MRTFB: variants seen among roughly 807,000 people sequenced by gnomAD.
MRTFB encodes the protein myocardin related transcription factor B.
MRTFB carries 29 observed loss-of-function variants against 104.2 expected under a neutral mutation model. The observed-to-expected ratio is 0.28, with a 90% confidence interval of 0.21 to 0.38. The LOEUF is 0.38. Ranked by LOEUF, MRTFB falls within the 10% of genes least tolerant of loss-of-function variation. The pLI is 1.00. For missense variants in MRTFB, 1,270 were observed against 1,341.6 expected (o/e 0.95, Z 0.83); for synonymous variants, 535 against 519.5 (o/e 1.03, Z -0.41).
At chr16:14,081,291 CTTTTTTTTT>C (rs995694902) in intron 2 of MRTFB, among the ~76,000 whole-genome samples, 2 of 121,506 alleles carry the variant, frequency 1.6e-5, no homozygotes, top group Non-Finnish European at 3.4e-5. Flanking sequence ...CGTATGCTGC[CTTTTTTTTT>C]TTTTTTTTTG....
chr16:14,003,064 C>T, the MRTFB span, among the ~76,000 whole-genome samples: 3 of 152,084 alleles, frequency 2.0e-5, no homozygotes, highest in Non-Finnish European at 4.4e-5. Context: ...GCTTCACTCC[C>T]TCCCCTTGAG....
the MRTFB span, among the ~76,000 whole-genome samples, chr16:14,037,648 T>A: frequency 1.3e-5 from 2 of 152,220 alleles, no homozygotes; most frequent in African/African-American, 2.4e-5. Flanking sequence ...TTCCCTGGAC[T>A]GGCTGCTTTT....
the MRTFB span, among the ~76,000 whole-genome samples, chr16:13,996,976 C>A: frequency 6.6e-6 from 1 of 152,226 alleles, no homozygotes; most frequent in African/African-American, 2.4e-5. Flanking sequence ...GTGATCAGCA[C>A]ATTAGGGTTG....
chr16:14,029,838 G>A, the MRTFB span, among the ~76,000 whole-genome samples: 2 of 152,222 alleles, frequency 1.3e-5, no homozygotes, highest in East Asian at 3.9e-4. Context: ...GCATCCTCTG[G>A]GGATGGCACA....
intron 6 of MRTFB, among the ~76,000 whole-genome samples, chr16:14,214,473 G>C (rs1012648618): frequency 6.6e-6 from 1 of 152,166 alleles, no homozygotes; most frequent in African/African-American, 2.4e-5. Flanking sequence ...ATATTACCAA[G>C]TATTAGATTA....
chr16:14,001,281 C>T, the MRTFB span, among the ~76,000 whole-genome samples: 1 of 152,186 alleles, frequency 6.6e-6, no homozygotes, highest in Non-Finnish European at 1.5e-5. Flanking sequence ...ACAGCTGGAT[C>T]CAGGATGGAA....
rs1343343303 is a variant in MRTFB, at chr16:14,186,715, G to T, written c.155-23528G>T. The stretch of plus-strand genomic sequence containing the variant: ...GAGTTAAGGGCTTCCAGCGGCATGA[G>T]TGTATTTGCAGGTCAAGCTGGGAAC... On this transcript the variant is annotated intron_variant, in intron 3 of 16. Transcript: ENST00000571589. 9 of 1,413,930 alleles carry T rather than the reference G, an allele frequency of 6.4e-6. No individual in the cohort carries two copies. The East Asian group carries it at 8.4e-5, about 13-fold the overall frequency. The allele number at this position is 1,413,930 out of a possible 1,614,324, so 87.6% of individuals were successfully genotyped here.
At chr16:14,078,627 C>T (rs2034211033) in intron 1 of MRTFB, among the ~76,000 whole-genome samples, 1 of 150,654 alleles carries the variant, frequency 6.6e-6, no homozygotes, top group African/African-American at 2.5e-5. Context: ...GACGGTATTA[C>T]CATGTTGCCT....
chr16:14,239,664 G>C (rs1199041751), intron 9 of MRTFB, among the ~76,000 whole-genome samples: 1 of 152,108 alleles, frequency 6.6e-6, no homozygotes, highest in Non-Finnish European at 1.5e-5. Flanking sequence ...TGAGATGAGG[G>C]ATACATGGTC....
intron 15 of MRTFB, among the ~76,000 whole-genome samples, chr16:14,256,315 G>A (rs956989116): frequency 4.0e-5 from 6 of 151,818 alleles, no homozygotes; most frequent in Admixed American, 1.3e-4. Flanking sequence ...CAATTAAAAT[G>A]CAAAAAATTG....
At chr16:14,083,622 G>A (rs189233699) in intron 2 of MRTFB, among the ~76,000 whole-genome samples, 23 of 152,282 alleles carry the variant, frequency 1.5e-4, no homozygotes, top group East Asian at 7.7e-4. Context: ...CTCTCTCCAC[G>A]CTGTGCTGCC....
intron 3 of MRTFB, among the ~76,000 whole-genome samples, chr16:14,170,628 C>T (rs1304992301): frequency 6.6e-6 from 1 of 152,056 alleles, no homozygotes; most frequent in Non-Finnish European, 1.5e-5. Flanking sequence ...AATACCATTG[C>T]ATATAAACCA....
chr16:14,082,140 C>G lies in MRTFB; in HGVS notation c.-64+2786C>G, dbSNP rs535127085. ...AGACCAATGTCATGGAACTTTTCCT[C>G]TATGTTTTCTCCTAGGAGCTTAATG... On this transcript the variant is annotated intron_variant, in intron 2 of 16. Coordinates refer to ENST00000571589, the MANE Select transcript of MRTFB (RefSeq NM_001308142.2). Among the ~76,000 whole-genome samples, 386 of 152,290 alleles carry G rather than the reference C, an allele frequency of 2.5e-3. 1 individual carries two copies. Among genetic ancestry groups the G allele is most frequent in the Non-Finnish European group, 3.6e-3 (244 of 68,016 alleles).
the MRTFB span, among the ~76,000 whole-genome samples, chr16:14,022,745 T>TA: frequency 8.6e-6 from 1 of 116,470 alleles, no homozygotes; most frequent in African/African-American, 3.5e-5. Context: ...CTAATACTGT[T>TA]CTTTTTTTTT....
the MRTFB span, among the ~76,000 whole-genome samples, chr16:14,048,114 G>A: frequency 3.3e-5 from 5 of 152,302 alleles, no homozygotes; most frequent in East Asian, 7.7e-4. Flanking sequence ...GGGGCTAAAT[G>A]TTCCATGCAA....
chr16:14,091,159 T>TA (rs2035039977), intron 2 of MRTFB, among the ~76,000 whole-genome samples: 2 of 152,230 alleles, frequency 1.3e-5, no homozygotes, highest in East Asian at 1.9e-4. Flanking sequence ...ATTAGGCTGT[T>TA]ACACGAGTCC....
intron 2 of MRTFB, among the ~76,000 whole-genome samples, chr16:14,131,844 G>A (rs1026849874): frequency 6.6e-6 from 1 of 151,876 alleles, no homozygotes; most frequent in African/African-American, 2.4e-5. Flanking sequence ...ATGTAAAATG[G>A]TATAGTCACT....
chr16:14,047,073 C>T, the MRTFB span, among the ~76,000 whole-genome samples: 1 of 152,158 alleles, frequency 6.6e-6, no homozygotes, highest in African/African-American at 2.4e-5. Flanking sequence ...GAATTCCTGC[C>T]TCATAGTGCA....
chr16:14,021,901 C>A, the MRTFB span, among the ~76,000 whole-genome samples: 1 of 152,054 alleles, frequency 6.6e-6, no homozygotes, highest in African/African-American at 2.4e-5. Context: ...GTATCTTTTT[C>A]GTATAATGAC....
Sources: allele counts gnomAD v4.1 joint callset (sites outside exome capture counted in the v4.1 genomes callset), GRCh38; gene constraint gnomAD v4.1.1; transcripts MANE v1.5; gene names NCBI Gene and HGNC (gene_info 2026-07-23, HGNC 2026-07-21).